Variants in KREMEN1 observed in about 807,000 individuals in gnomAD.
The protein encoded by KREMEN1 is kringle containing transmembrane protein 1.
A neutral mutation model predicts 46.5 loss-of-function variants in KREMEN1; 30 were observed. The ratio of observed to expected loss-of-function variants is 0.65; its 90% CI spans 0.48 to 0.88. The LOEUF is 0.88. KREMEN1 is among the 40% of genes least tolerant of loss of function. KREMEN1 has a pLI of 0.00. For missense variants in KREMEN1, 533 were observed against 596.9 expected (o/e 0.89, Z 1.11); for synonymous variants, 214 against 230.6 (o/e 0.93, Z 0.65).
intron 3 of KREMEN1, among the ~76,000 whole-genome samples, chr22:29,117,168 T>A (rs2038253430): frequency 6.6e-6 from 1 of 152,172 alleles, no homozygotes; most frequent in Non-Finnish European, 1.5e-5. Context: ...TGTGTGTACA[T>A]GCGCACATAC....
intron 3 of KREMEN1, chr22:29,099,293 A>G (rs1287313515): frequency 4.7e-6 from 1 of 211,378 alleles, no homozygotes; most frequent in Non-Finnish European, 9.5e-6. Flanking sequence ...TTTTGGAATG[A>G]ACATCTTTAT....
At chr22:29,100,891 T>C (rs549656207) in intron 3 of KREMEN1, among the ~76,000 whole-genome samples, 1 of 152,136 alleles carries the variant, frequency 6.6e-6, no homozygotes, top group African/African-American at 2.4e-5. Context: ...TTAGTTTTTT[T>C]AAAAAAGTTT....
intron 1 of KREMEN1, among the ~76,000 whole-genome samples, chr22:29,077,757 T>C (rs903089827): frequency 2.6e-5 from 4 of 152,192 alleles, no homozygotes; most frequent in Admixed American, 6.5e-5. Context: ...TTTTTTTCAG[T>C]GTTCACTGGT....
At chr22:29,163,716 C>T (rs2039031276) in intron 9 of KREMEN1, among the ~76,000 whole-genome samples, 1 of 151,878 alleles carries the variant, frequency 6.6e-6, no homozygotes, top group Non-Finnish European at 1.5e-5. Context: ...CAGACTAATA[C>T]AGGTACTCAG....
chr22:29,158,136 G>A (rs557215019), intron 9 of KREMEN1, among the ~76,000 whole-genome samples: 2 of 152,358 alleles, frequency 1.3e-5, no homozygotes, highest in East Asian at 3.9e-4. Flanking sequence ...GCACATGAGA[G>A]CATGAGGCTG....
Position 29,098,914 on chromosome 22 carries a change from G to A in KREMEN1, c.313G>A (p.Gly105Ser), listed in dbSNP as rs371631130. 6.2e-7 allele frequency: 1 copy of A among 1,613,948 alleles called. No homozygotes were observed. Among genetic ancestry groups the A allele is most frequent in the African/African-American group, 1.3e-5 (1 of 74,920 alleles). The change falls in exon 3 of 9, where the codon GGT becomes AGT. Residue 105 changes from glycine to serine, a missense_variant. Gly to Ser is a moderately conservative substitution (Grantham distance 56). Transcript: ENST00000400335. ...PWCYVAEHED[G>S]VYWKYCEIPA... is the part of the protein sequence containing the mutation. The stretch of plus-strand genomic sequence containing the variant: ...GTGCTATGTGGCAGAGCACGAGGAT[G>A]GTGTCTACTGGAAGTACTGTGAGAT...
chr22:29,133,165 G>A (rs1016070619), intron 5 of KREMEN1, among the ~76,000 whole-genome samples: 5 of 150,668 alleles, frequency 3.3e-5, no homozygotes, highest in South Asian at 2.1e-4. Flanking sequence ...GGAGAATGGC[G>A]TGAACCCAGG....
chr22:29,108,351 A>G (rs1445918341), intron 3 of KREMEN1, among the ~76,000 whole-genome samples: 1 of 152,246 alleles, frequency 6.6e-6, no homozygotes, highest in Non-Finnish European at 1.5e-5. Flanking sequence ...CATAAGAGAC[A>G]ACACAAGCTG....
chr22:29,150,241 G>C (rs1023663427), downstream of KREMEN1, among the ~76,000 whole-genome samples: 2 of 152,050 alleles, frequency 1.3e-5, no homozygotes, highest in Non-Finnish European at 2.9e-5. Flanking sequence ...GGCAGTGCCT[G>C]CCGGACTGAA....
chr22:29,140,463 G>A (rs913557333), intron 8 of KREMEN1, 97 bp downstream of exon 8: 3 of 918,790 alleles, frequency 3.3e-6, no homozygotes, highest in African/African-American at 1.6e-5. Context: ...TGTAGAATAA[G>A]CACATGATTC....
chr22:29,128,472 A>T (rs939881930), intron 5 of KREMEN1, among the ~76,000 whole-genome samples: 3 of 152,166 alleles, frequency 2.0e-5, no homozygotes, highest in African/African-American at 7.2e-5. Flanking sequence ...TGTGGTAGAT[A>T]AAAGTATGTT....
intron 3 of KREMEN1, among the ~76,000 whole-genome samples, chr22:29,102,466 C>T (rs2037992724): frequency 6.6e-6 from 1 of 152,200 alleles, no homozygotes; most frequent in Admixed American, 6.5e-5. Flanking sequence ...AGATTTTCCT[C>T]GGTCCATTTG....
At chr22:29,117,428 G>A (rs547566816) in intron 3 of KREMEN1, among the ~76,000 whole-genome samples, 110 of 152,150 alleles carry the variant, frequency 7.2e-4, no homozygotes, top group Middle Eastern at 6.8e-3. Context: ...TTAGCCGGGC[G>A]TGGTGGCGGG....
At position 29,125,380 on chromosome 22, in the gene KREMEN1, C is replaced by T. The variant is rs1433524501; in HGVS notation, c.595C>T (p.Pro199Ser). The T allele has an allele frequency of 1.2e-6, 2 of 1,614,078 alleles. No individual in the cohort carries two copies. The highest frequency in any genetic ancestry group is 1.1e-5 in the South Asian group (1 of 91,084). The change falls in exon 5 of 9, where the codon CCC (proline) becomes TCC (serine). Residue 199 changes from proline to serine, a missense_variant. Pro to Ser is a moderately conservative substitution (Grantham distance 74, BLOSUM62 -1). Coordinates refer to ENST00000400335, the MANE Select transcript of KREMEN1 (RefSeq NM_001039570.3). ...CGTCTGCTTCGGGGATCACACCCAA[C>T]CCTGTGGTGGCGATGGCAGGATCAT... is the stretch of plus-strand genomic sequence containing the variant. ...NSVCFGDHTQPCGGDGRIILF... is the reference protein window; with the variant it reads ...NSVCFGDHTQSCGGDGRIILF...
chr22:29,163,499 T>C (rs1029034110), intron 9 of KREMEN1, among the ~76,000 whole-genome samples: 1 of 152,036 alleles, frequency 6.6e-6, no homozygotes, highest in East Asian at 1.9e-4. Context: ...TACCTCAGTC[T>C]CCCGAATAGC....
At chr22:29,159,926 ATAAGGTCTCT>A (rs1333749993) in intron 9 of KREMEN1, among the ~76,000 whole-genome samples, 1 of 152,156 alleles carries the variant, frequency 6.6e-6, no homozygotes, top group African/African-American at 2.4e-5. Flanking sequence ...TTTTTTAAAG[ATAAGGTCTCT>A]TAGCCCCATA....
chr22:29,073,738 C>T lies in KREMEN1; in HGVS notation c.97+511C>T, dbSNP rs1439469822. Among the ~76,000 whole-genome samples the T allele has an allele frequency of 6.6e-6, 1 of 151,662 alleles. No homozygotes were observed. The highest frequency in any genetic ancestry group is 1.5e-5 in the Non-Finnish European group (1 of 67,754). ...CCGTCCCAAAATCCCCAGCGACTCCCCACGGGCCAGGAGGCCCCCTGCTCC... is the reference window on the plus strand; with the variant it reads ...CCGTCCCAAAATCCCCAGCGACTCCTCACGGGCCAGGAGGCCCCCTGCTCC... On this transcript the variant is annotated intron_variant, in intron 1 of 8. Transcript: ENST00000400335. This position sits in a 1 kb window ranked among gnomAD's most constrained non-coding sequence, Gnocchi z 4.4.
chr22:29,136,172 T>C (rs59107561), intron 5 of KREMEN1, among the ~76,000 whole-genome samples: 243 of 151,984 alleles, frequency 1.6e-3, no homozygotes, highest in African/African-American at 5.6e-3. Context: ...TCCACCTGCC[T>C]TGGCCTCCCA....
intron 1 of KREMEN1, among the ~76,000 whole-genome samples, chr22:29,086,292 T>C (rs2037727024): frequency 6.6e-6 from 1 of 152,138 alleles, no homozygotes; most frequent in African/African-American, 2.4e-5. Context: ...GATGTCTGAG[T>C]GGTTTGTTCA....
Sources: gnomAD v4.1 joint callset for allele counts (sites outside exome capture counted in the v4.1 genomes callset) on GRCh38, gnomAD v4.1.1 for gene constraint, Gnocchi (gnomAD v3.1) non-coding constraint, MANE v1.5 for transcripts, NCBI Gene and HGNC (gene_info 2026-07-23, HGNC 2026-07-21) for gene names.